Variants in ARHGEF28 observed in about 807,000 individuals in gnomAD.
ARHGEF28 encodes the protein Rho guanine nucleotide exchange factor 28.
A neutral mutation model predicts 206.6 loss-of-function variants in ARHGEF28; 152 were observed. The ratio of observed to expected loss-of-function variants is 0.74; its 90% CI spans 0.64 to 0.84. ARHGEF28 has a LOEUF of 0.84. ARHGEF28 is among the 40% of genes least tolerant of loss of function. The pLI is 0.00. For synonymous variants in ARHGEF28, 763 were observed against 776.4 expected (o/e 0.98, Z 0.29); for missense variants, 2,028 against 2,073.2 (o/e 0.98, Z 0.42).
At chr5:73,842,086 ATCTG>A (rs1186659084) in intron 11 of ARHGEF28, among the ~76,000 whole-genome samples, 5 of 152,092 alleles carry the variant, frequency 3.3e-5, no homozygotes, top group Non-Finnish European at 5.9e-5. Context: ...GTATATCTGT[ATCTG>A]TCTATCTGAT....
chr5:73,882,715 G>T, intron 23 of ARHGEF28, 121 bp downstream of exon 23: 1 of 969,142 alleles, frequency 1.0e-6, no homozygotes, highest in Non-Finnish European at 1.5e-6. Context: ...GAAGAAGAAG[G>T]GAGGTGGAAT....
rs561446098 is a variant in ARHGEF28, at chr5:73,901,340, G to T, written c.4074+56G>T. 23 of 1,478,606 alleles carry T rather than the reference G, an allele frequency of 1.6e-5. No individual in the cohort carries two copies. The East Asian group carries it at 3.8e-4, about 24-fold the overall frequency. 91.6% of individuals were successfully genotyped at this position (1,478,606 alleles called of 1,614,324 possible). A position where few individuals can be genotyped will look rare whatever the true frequency, so the allele number is the denominator to read the frequency against. On this transcript the variant is annotated intron_variant, in intron 31 of 35. Coordinates refer to ENST00000513042, the MANE Select transcript of ARHGEF28 (RefSeq NM_001177693.2). The stretch of plus-strand genomic sequence containing the variant: ...AGCGGTTACTGTGTATAATAAAATA[G>T]CCTCAGGTTCTGGTCTGTCACGGCA...
intron 10 of ARHGEF28, among the ~76,000 whole-genome samples, chr5:73,837,378 C>T (rs1286735720): frequency 2.6e-4 from 39 of 151,962 alleles, no homozygotes; most frequent in Admixed American, 2.6e-3. Context: ...CAATTTCTTT[C>T]ATTTATGTTT....
rs552175275 is a variant in ARHGEF28, at chr5:73,628,674, A to G, written c.-12+2352A>G. ...GGGTCAACCTGGGCAACTCCTACTGAGGATGTAAAAACAGTGTTACATTTG... is the reference window on the plus strand; with the variant it reads ...GGGTCAACCTGGGCAACTCCTACTGGGGATGTAAAAACAGTGTTACATTTG... On this transcript the variant is annotated intron_variant, in intron 1 of 35. Transcript: ENST00000513042. Among the ~76,000 whole-genome samples, 10 of 152,338 alleles carry G rather than the reference A, an allele frequency of 6.6e-5. No individual in the cohort carries two copies. The South Asian group carries it at 2.1e-3, about 32-fold the overall frequency.
chr5:73,787,338 A>G (rs994909161), intron 7 of ARHGEF28, among the ~76,000 whole-genome samples: 7 of 152,186 alleles, frequency 4.6e-5, no homozygotes, highest in African/African-American at 1.7e-4. Context: ...GGCATTTTCA[A>G]CAAAAATCAT....
At chr5:73,652,152 GGT>G (rs1016235498) in intron 1 of ARHGEF28, among the ~76,000 whole-genome samples, 1 of 151,974 alleles carries the variant, frequency 6.6e-6, no homozygotes, top group Non-Finnish European at 1.5e-5. Flanking sequence ...TAGGGAATGG[GGT>G]ATATAAAAGA....
intron 1 of ARHGEF28, among the ~76,000 whole-genome samples, chr5:73,639,882 T>C (rs1450731588): frequency 1.3e-5 from 2 of 152,182 alleles, no homozygotes; most frequent in Non-Finnish European, 1.5e-5. Context: ...TATTTAGAAA[T>C]AACAAATTGT....
intron 7 of ARHGEF28, among the ~76,000 whole-genome samples, chr5:73,791,305 T>A (rs565499474): frequency 6.6e-6 from 1 of 152,208 alleles, no homozygotes; most frequent in Non-Finnish European, 1.5e-5. Context: ...CTACCCACCA[T>A]GTATGCCAGA....
At chr5:73,645,777 C>CT (rs931736528) in intron 1 of ARHGEF28, among the ~76,000 whole-genome samples, 35 of 149,862 alleles carry the variant, frequency 2.3e-4, no homozygotes, top group Middle Eastern at 3.5e-3. Context: ...TATTTTCCCA[C>CT]TTTTTTTTTT....
chr5:73,866,860 G>T (rs1759738743), intron 18 of ARHGEF28, among the ~76,000 whole-genome samples: 1 of 152,140 alleles, frequency 6.6e-6, no homozygotes, highest in Non-Finnish European at 1.5e-5. Context: ...TAAGTGCATG[G>T]TAACTTTTCA....
chr5:73,699,550 A>C (rs1452870179), intron 2 of ARHGEF28, among the ~76,000 whole-genome samples: 1 of 152,144 alleles, frequency 6.6e-6, no homozygotes, highest in Non-Finnish European at 1.5e-5. Context: ...ATTAGAAATG[A>C]CCAGGTTGTG....
At chr5:73,826,893 A>T (rs750225946) in intron 9 of ARHGEF28, among the ~76,000 whole-genome samples, 6 of 152,174 alleles carry the variant, frequency 3.9e-5, no homozygotes, top group Non-Finnish European at 7.3e-5. Context: ...TCACATTACA[A>T]AGCAGTGAGA....
intron 11 of ARHGEF28, 84 bp from the exon 12 acceptor site, chr5:73,846,184 G>T (rs1758344604): frequency 7.6e-7 from 1 of 1,315,060 alleles, no homozygotes; most frequent in Non-Finnish European, 1.1e-6. Context: ...CCCAGTGAAA[G>T]AATCTGGATT....
chr5:73,758,108 A>G (rs1752410844), intron 4 of ARHGEF28, among the ~76,000 whole-genome samples: 1 of 152,154 alleles, frequency 6.6e-6, no homozygotes, highest in African/African-American at 2.4e-5. Context: ...AAGCTTGCCA[A>G]CACCAGTGAG....
At chr5:73,679,462 G>A (rs1746927997) in intron 1 of ARHGEF28, among the ~76,000 whole-genome samples, 1 of 151,702 alleles carries the variant, frequency 6.6e-6, no homozygotes, top group African/African-American at 2.4e-5. Flanking sequence ...AGCCATTTGG[G>A]AGGCTGAGGC....
In ARHGEF28 at chr5:73,840,695, C is replaced by T; in HGVS notation, c.1362C>T (p.Ser454=). Residue 454 remains serine, a synonymous_variant, in exon 11 of 36, where the codon TCC becomes TCT. Transcript: ENST00000513042. ...SFMSPSSSCA[S]NLNLSFGWHG... The stretch of plus-strand genomic sequence containing the variant: ...TGTCACCATCAAGTTCGTGTGCTTC[C>T]AACTTGAATCTTTCTTTTGGTTGGC... 6.2e-7 allele frequency: 1 copy of T among 1,612,672 alleles called. No homozygotes were observed. Among genetic ancestry groups the T allele is most frequent in the South Asian group, 1.1e-5 (1 of 90,768 alleles).
At chr5:73,937,308 G>A (rs1764476473) in intron 35 of ARHGEF28, among the ~76,000 whole-genome samples, 1 of 152,152 alleles carries the variant, frequency 6.6e-6, no homozygotes, top group African/African-American at 2.4e-5. Flanking sequence ...GAAGTTTCCT[G>A]CAGAGGCTGA....
intron 6 of ARHGEF28, 63 bp from the exon 7 acceptor site, chr5:73,780,613 A>G (rs1753785595): frequency 2.7e-6 from 4 of 1,479,096 alleles, no homozygotes; most frequent in South Asian, 1.2e-5. Context: ...TCTTTGTTGT[A>G]TATCTGGAAC....
At chr5:73,866,060 A>G (rs1186225213) in intron 18 of ARHGEF28, 47 bp downstream of exon 18, 1 of 1,384,680 alleles carries the variant, frequency 7.2e-7, no homozygotes, top group Non-Finnish European at 1.0e-6. Flanking sequence ...TTTAATACAT[A>G]CTATACATTT....
Sources: gnomAD v4.1 joint callset for allele counts (sites outside exome capture counted in the v4.1 genomes callset) on GRCh38, gnomAD v4.1.1 for gene constraint, MANE v1.5 for transcripts, NCBI Gene and HGNC (gene_info 2026-07-23, HGNC 2026-07-21) for gene names.